JKAMP: variants seen among roughly 807,000 people sequenced by gnomAD.
JKAMP encodes JNK1/MAPK8 associated membrane protein.
In JKAMP, 20 loss-of-function variants were observed where a neutral mutation model predicts 40.2. The ratio of observed to expected loss-of-function variants is 0.50; its 90% CI spans 0.35 to 0.72. The LOEUF is 0.72. Ranked by LOEUF, JKAMP falls within the 30% of genes least tolerant of loss-of-function variation. JKAMP has a pLI of 0.01. For synonymous variants in JKAMP, 138 were observed against 131.6 expected, an observed-to-expected ratio of 1.05 and a Z score of -0.33; for missense variants, 276 against 373.0, an observed-to-expected ratio of 0.74 and a Z score of 2.14.
intron 1 of JKAMP, chr14:59,485,189 A>G (rs374645446): frequency 2.8e-5 from 43 of 1,511,476 alleles, no homozygotes; most frequent in Middle Eastern, 3.4e-4. Context: ...GAGAAACTTT[A>G]GATTATTGAT....
chr14:59,497,317 G>A (rs1348858452), intron 4 of JKAMP, among the ~76,000 whole-genome samples: 2 of 152,184 alleles, frequency 1.3e-5, no homozygotes, highest in Non-Finnish European at 2.9e-5. Flanking sequence ...GCTTTAGTTT[G>A]TCAAATTTAA....
chr14:59,496,932 T>A (rs59994524), intron 4 of JKAMP, among the ~76,000 whole-genome samples: 1,792 of 151,996 alleles, frequency 0.012, 27 homozygotes, highest in African/African-American at 0.042. Flanking sequence ...ATTCTAAATA[T>A]AAATGTATGG....
At chr14:59,500,876 A>C (rs575042727) in intron 5 of JKAMP, 1 of 202,004 alleles carries the variant, frequency 5.0e-6, no homozygotes, top group African/African-American at 2.3e-5. Context: ...TATGAAACGT[A>C]TGTTTTATTG....
intron 4 of JKAMP, among the ~76,000 whole-genome samples, chr14:59,497,440 C>G (rs1279669965): frequency 6.6e-6 from 1 of 152,128 alleles, no homozygotes; most frequent in Non-Finnish European, 1.5e-5. Context: ...AAACTAGTTT[C>G]CTAGTTCATT....
intron 4 of JKAMP, among the ~76,000 whole-genome samples, chr14:59,495,711 G>T (rs1390770949): frequency 6.6e-6 from 1 of 152,100 alleles, no homozygotes; most frequent in African/African-American, 2.4e-5. Context: ...TTTTTTGGGG[G>T]AAAGGGAAAA....
chr14:59,493,619 C>G (rs1263436260), intron 3 of JKAMP, among the ~76,000 whole-genome samples: 1 of 152,162 alleles, frequency 6.6e-6, no homozygotes, highest in African/African-American at 2.4e-5. Context: ...AAAAGGTTGA[C>G]TATAAGATAA....
intron 5 of JKAMP, among the ~76,000 whole-genome samples, chr14:59,500,370 A>C (rs964764710): frequency 6.6e-6 from 1 of 152,212 alleles, no homozygotes; most frequent in East Asian, 1.9e-4. Flanking sequence ...TTTACAAATA[A>C]TGTATGAAAA....
chr14:59,501,572 T>C (rs1181274776), intron 6 of JKAMP, among the ~76,000 whole-genome samples: 1 of 152,204 alleles, frequency 6.6e-6, no homozygotes, highest in African/African-American at 2.4e-5. Flanking sequence ...TTGAAACTTA[T>C]TAACAGTATT....
intron 2 of JKAMP, 149 bp downstream of exon 2, chr14:59,486,953 C>A: frequency 1.6e-6 from 1 of 635,366 alleles, no homozygotes; most frequent in Non-Finnish European, 2.7e-6. Flanking sequence ...GTAATCCCAG[C>A]ACTTTGGGAA....
intron 6 of JKAMP, among the ~76,000 whole-genome samples, chr14:59,503,399 T>C (rs1460852031): frequency 6.6e-6 from 1 of 152,218 alleles, no homozygotes; most frequent in African/African-American, 2.4e-5. Context: ...TTCTGCCCCC[T>C]TACTATTCAT....
chr14:59,503,950 G>C lies in JKAMP; in HGVS notation c.814G>C (p.Asp272His), dbSNP rs1042491496. Residue 272 changes from aspartate to histidine, a missense_variant, in exon 7 of 7, where the codon GAT becomes CAT. Asp to His is a moderately conservative substitution (Grantham distance 81). Transcript: ENST00000616435. Reference protein sequence around the residue: ...AYGIISISRVDKLEQDLPLLA... With the variant: ...AYGIISISRVHKLEQDLPLLA... ...TGGAATAATCTCCATTTCCAGAGTG[G>C]ATAAACTTGAGCAAGATTTGCCCCT... The C allele has an allele frequency of 9.3e-6, 15 of 1,613,592 alleles. No individual in the cohort carries two copies. Among genetic ancestry groups the C allele is most frequent in the Non-Finnish European group, 1.3e-5 (15 of 1,179,616 alleles).
intron 1 of JKAMP, 142 bp downstream of exon 1, chr14:59,484,735 C>G: frequency 8.9e-7 from 1 of 1,125,352 alleles, no homozygotes; most frequent in Non-Finnish European, 1.3e-6. Context: ...GCCCTCGGGC[C>G]GGGCTCCGCA....
chr14:59,497,461 C>T (rs1891537153), intron 4 of JKAMP, among the ~76,000 whole-genome samples: 1 of 152,158 alleles, frequency 6.6e-6, no homozygotes, highest in African/African-American at 2.4e-5. Context: ...TGGAGAAACA[C>T]AGGATGGTTT....
chr14:59,486,752 G>A lies in JKAMP; in HGVS notation c.44G>A (p.Gly15Glu). ...CCAGCATGCCTTGGACTTTATTGTG[G>A]GAAGACCCTATTATTTAAAAATGGC... ...IQPACLGLYC[G>E]KTLLFKNGST... The change falls in exon 2 of 7, where the codon GGG becomes GAG. Residue 15 changes from glycine to glutamate, a missense_variant. By Grantham distance (98) the Gly-to-Glu change is moderately conservative. Coordinates refer to ENST00000616435, the MANE Select transcript of JKAMP (RefSeq NM_016475.5). 6.3e-7 allele frequency: 1 copy of A among 1,596,140 alleles called. No homozygotes were observed. Among genetic ancestry groups the A allele is most frequent in the Non-Finnish European group, 8.5e-7 (1 of 1,170,154 alleles).
Position 59,495,062 on chromosome 14 carries a change from G to C in JKAMP, c.296G>C (p.Ser99Thr). ...CACATCACTGCATTATTTGAATGCA[G>C]CATGGCAGCTATTATCACCTTACTT... ...FQHITALFEC[S>T]MAAIITLLVS... is the part of the protein sequence containing the mutation. Residue 99 changes from serine to threonine, a missense_variant, in exon 4 of 7, where the codon AGC becomes ACC. By Grantham distance (58) the Ser-to-Thr change is moderately conservative. Coordinates refer to ENST00000616435, the MANE Select transcript of JKAMP (RefSeq NM_016475.5). 1 of 1,613,852 alleles carries C rather than the reference G, an allele frequency of 6.2e-7. No homozygotes were observed. The highest frequency in any genetic ancestry group is 2.2e-5 in the East Asian group (1 of 44,868).
At chr14:59,488,519 A>G (rs184243126) in intron 3 of JKAMP, among the ~76,000 whole-genome samples, 1 of 152,310 alleles carries the variant, frequency 6.6e-6, no homozygotes, top group African/African-American at 2.4e-5. Flanking sequence ...AGAGGTATGA[A>G]ATATGTGATC....
Position 59,492,884 on chromosome 14 carries a change from G to A in JKAMP, c.252-2134G>A, listed in dbSNP as rs574997895. Among the ~76,000 whole-genome samples, 20 of 148,492 alleles carry A rather than the reference G, an allele frequency of 1.3e-4. 1 individual carries two copies. Among genetic ancestry groups the A allele is most frequent in the Admixed American group, 1.1e-3 (16 of 14,560 alleles). On this transcript the variant is annotated intron_variant, in intron 3 of 6. Coordinates refer to ENST00000616435, the MANE Select transcript of JKAMP (RefSeq NM_016475.5). ...GCGACCTCGGCTCACTGCAAGCTTC[G>A]CCTCCCAGGTTCACGTCATTCTCCT...
chr14:59,494,891 A>G, intron 3 of JKAMP, 127 bp from the exon 4 acceptor site: 1 of 653,044 alleles, frequency 1.5e-6, no homozygotes, highest in Non-Finnish European at 2.7e-6. Context: ...AAAAAAGGTT[A>G]TACTCGAGTA....
chr14:59,485,152 CA>C (rs1890434504), intron 1 of JKAMP: 1 of 1,593,206 alleles, frequency 6.3e-7, no homozygotes, highest in Non-Finnish European at 8.5e-7. Context: ...TTCAGTTTAT[CA>C]TACTGGTTTT....
Sources: allele counts gnomAD v4.1 joint callset (sites outside exome capture counted in the v4.1 genomes callset), GRCh38; gene constraint gnomAD v4.1.1; transcripts MANE v1.5; gene names NCBI Gene and HGNC (gene_info 2026-07-23, HGNC 2026-07-21).